SLC30A3: variants seen among roughly 807,000 people sequenced by gnomAD.
The protein encoded by SLC30A3 is probable proton-coupled zinc antiporter SLC30A3.
In SLC30A3, 20 loss-of-function variants were observed where a neutral mutation model predicts 35.6. That is an observed-to-expected ratio of 0.56 (90% CI 0.39 to 0.82). The LOEUF is 0.82. SLC30A3 is among the 40% of genes least tolerant of loss of function. The pLI is 0.00. For missense variants in SLC30A3, 401 were observed against 530.6 expected (o/e 0.76, Z 2.40); for synonymous variants, 217 against 224.7 (o/e 0.97, Z 0.31).
At chr2:27,270,736 G>A (rs1677696081) in intron 1 of SLC30A3, among the ~76,000 whole-genome samples, 1 of 152,130 alleles carries the variant, frequency 6.6e-6, no homozygotes, top group South Asian at 2.1e-4. Flanking sequence ...GAGAGGACAG[G>A]GACATGAAGC....
chr2:27,275,688 G>A (rs1366888588), upstream of SLC30A3: 2 of 162,864 alleles, frequency 1.2e-5, no homozygotes, highest in Non-Finnish European at 2.7e-5. Flanking sequence ...CTGGGGTTCC[G>A]CTGCCTTTTC....
At position 27,255,338 on chromosome 2, in the gene SLC30A3, G is replaced by A. The variant is rs565567871; in HGVS notation, c.1141C>T (p.Arg381Cys). Residue 381 changes from arginine to cysteine, a missense_variant, in exon 8 of 8, where the codon CGC becomes TGC. Transcript: ENST00000233535. This position sits in a 1 kb window ranked among gnomAD's most constrained non-coding sequence, Gnocchi z 5.2. ...CAGGCTTGGGGGGGTTCCTGGCAGC[G>A]CAGGCACTGGGCCATCTCCGGCTGA... ...QYQPEMAQCL[R>C]CQEPPQA 19 of 1,614,004 alleles carry A rather than the reference G, an allele frequency of 1.2e-5. No individual in the cohort carries two copies. The highest frequency in any genetic ancestry group is 3.3e-5 in the Admixed American group (2 of 59,996).
In SLC30A3 at chr2:27,255,404, G is replaced by C. The variant is rs746424458; in HGVS notation, c.1075C>G (p.Arg359Gly). The C allele has an allele frequency of 6.2e-6, 10 of 1,614,004 alleles. No individual in the cohort carries two copies. The highest frequency in any genetic ancestry group is 1.1e-5 in the South Asian group (1 of 91,064). Residue 359 changes from arginine to glycine, a missense_variant, in exon 8 of 8, where the codon CGG becomes GGG. This residue lies in a region of SLC30A3 where 296 missense variants were observed against 392.6 expected (regional missense o/e 0.75). Transcript: ENST00000233535. The surrounding 1 kb of genome is among the most constrained non-coding windows in gnomAD (Gnocchi z 5.2). ...LAEASSRLYS[R>G]FGFSSCTLQV... ...AGGGTGCAGCTGGAGAATCCAAACC[G>C]GGAGTAGAGCCGGGATGAGGCTTCA...
Position 27,257,101 on chromosome 2 carries a change from G to T in SLC30A3, c.777+53C>A. ...AGCTTTGGGACCTGGGAAGGAGTGG[G>T]CTGGGATGTGGTTGTGGGGAGGAAG... On this transcript the variant is annotated intron_variant, in intron 5 of 7. Transcript: ENST00000233535. The surrounding 1 kb of genome is among the most constrained non-coding windows in gnomAD (Gnocchi z 4.7). 6.4e-7 allele frequency: 1 copy of T among 1,553,608 alleles called. No homozygotes were observed. Among genetic ancestry groups the T allele is most frequent in the Non-Finnish European group, 8.9e-7 (1 of 1,125,628 alleles).
chr2:27,274,669 G>A (rs1677916062), intron 1 of SLC30A3, among the ~76,000 whole-genome samples: 3 of 145,780 alleles, frequency 2.1e-5, no homozygotes, highest in African/African-American at 5.2e-5. Context: ...GATCAAGAGC[G>A]TAAAAAAAAA....
upstream of SLC30A3, among the ~76,000 whole-genome samples, chr2:27,266,061 T>C (rs1267397366): frequency 7.9e-6 from 1 of 126,292 alleles, no homozygotes; most frequent in Non-Finnish European, 1.6e-5. Context: ...TGTTTTGTTC[T>C]TTTTTTTTTT....
rs1324481532 is a variant in SLC30A3 at position 27,257,455 on chromosome 2, A to G, written c.579-103T>C. On this transcript the variant is annotated intron_variant, in intron 4 of 7. Coordinates refer to ENST00000233535, the MANE Select transcript of SLC30A3 (RefSeq NM_003459.5). The surrounding 1 kb of genome is among the most constrained non-coding windows in gnomAD (Gnocchi z 4.7). Reference sequence around the variant, plus strand: ...CCAGTAGCCCTTTCCCAGCCCCTGGAAGAAAACAGCATTTTGCAAGAGAGA... The same window carrying G: ...CCAGTAGCCCTTTCCCAGCCCCTGGGAGAAAACAGCATTTTGCAAGAGAGA... 1 of 1,104,460 alleles carries G rather than the reference A, an allele frequency of 9.1e-7. No homozygotes were observed. The highest frequency in any genetic ancestry group is 2.6e-5 in the East Asian group (1 of 38,876). The allele number at this position is 1,104,460 out of a possible 1,614,324, so 68.4% of individuals were successfully genotyped here. A position where few individuals can be genotyped will look rare whatever the true frequency, so the allele number is the denominator to read the frequency against.
chr2:27,255,280 G>GC lies in SLC30A3; in HGVS notation c.*31dup. ...GCTGAGAGTCTGGGGCTGAGCCTCG[G>GC]CCTGGCAGTGGGGTGAGGGCAGGGC... is the stretch of plus-strand genomic sequence containing the variant. On this transcript the variant is annotated 3_prime_UTR_variant, in exon 8 of 8. Coordinates refer to ENST00000233535, the MANE Select transcript of SLC30A3 (RefSeq NM_003459.5). The surrounding 1 kb of genome is among the most constrained non-coding windows in gnomAD (Gnocchi z 5.2). 1 of 1,612,226 alleles carries GC rather than the reference G, an allele frequency of 6.2e-7. No homozygotes were observed. The highest frequency in any genetic ancestry group is 8.5e-7 in the Non-Finnish European group (1 of 1,178,926).
chr2:27,256,155 G>T, intron 7 of SLC30A3: 1 of 566,078 alleles, frequency 1.8e-6, no homozygotes, highest in Non-Finnish European at 3.1e-6. Context: ...CAAAGAGGGT[G>T]AAACTGCCCC....
Position 27,255,399 on chromosome 2 carries a change from A to T in SLC30A3, c.1080T>A (p.Phe360Leu), listed in dbSNP as rs757467388. The T allele has an allele frequency of 2.5e-6, 4 of 1,613,990 alleles. No individual in the cohort carries two copies. The highest frequency in any genetic ancestry group is 8.5e-7 in the Non-Finnish European group (1 of 1,180,020). The change falls in exon 8 of 8, where the codon TTT becomes TTA. Residue 360 changes from phenylalanine (F) to leucine (L), a missense_variant. Around this residue, in one of 3 missense-constraint regions of SLC30A3, gnomAD observed 296 missense variants for 392.6 expected, o/e 0.75. Coordinates refer to ENST00000233535, the MANE Select transcript of SLC30A3 (RefSeq NM_003459.5). The surrounding 1 kb of genome is among the most constrained non-coding windows in gnomAD (Gnocchi z 5.2). ...AEASSRLYSR[F>L]GFSSCTLQVE... is the part of the protein sequence containing the mutation. The stretch of plus-strand genomic sequence containing the variant: ...CCTGCAGGGTGCAGCTGGAGAATCC[A>T]AACCGGGAGTAGAGCCGGGATGAGG...
Position 27,255,084 on chromosome 2 carries a change from A to T in SLC30A3, c.*228T>A. ...TGAGGCCTGGGAGTCCCCGCCCCTG[A>T]ACTAGTCACATCTATTCCCCTGACT... On this transcript the variant is annotated 3_prime_UTR_variant, in exon 8 of 8. Coordinates refer to ENST00000233535, the MANE Select transcript of SLC30A3 (RefSeq NM_003459.5). The surrounding 1 kb of genome is among the most constrained non-coding windows in gnomAD (Gnocchi z 5.2). 1.3e-6 allele frequency: 2 copies of T among 1,495,954 alleles called. No homozygotes were observed. Among genetic ancestry groups the T allele is most frequent in the Non-Finnish European group, 1.8e-6 (2 of 1,123,368 alleles). The allele number at this position is 1,495,954 out of a possible 1,614,324, so 92.7% of individuals were successfully genotyped here.
rs112733295 is a variant in SLC30A3 at position 27,255,534 on chromosome 2, G to C, written c.1019-74C>G. 2.8e-3 allele frequency: 4,270 copies of C among 1,526,538 alleles called. 113 individuals carry two copies. In the African/African-American group the frequency reaches 0.049, roughly 18 times the overall value. 94.6% of individuals were successfully genotyped at this position (1,526,538 alleles called of 1,614,324 possible). A position where few individuals can be genotyped will look rare whatever the true frequency, so the allele number is the denominator to read the frequency against. The stretch of plus-strand genomic sequence containing the variant: ...AGGCAGGGACTGAGATAAGGACAGG[G>C]AAAGGGGCTGCACAGCATTAAAGCC... On this transcript the variant is annotated intron_variant, in intron 7 of 7. Coordinates refer to ENST00000233535, the MANE Select transcript of SLC30A3 (RefSeq NM_003459.5). This position sits in a 1 kb window ranked among gnomAD's most constrained non-coding sequence, Gnocchi z 5.2.
Position 27,257,615 on chromosome 2 carries a change from T to G in SLC30A3, c.579-263A>C. 1.7e-6 allele frequency: 1 copy of G among 598,120 alleles called. No homozygotes were observed. 37.1% of individuals were successfully genotyped at this position (598,120 alleles called of 1,614,324 possible). ...GGGATTGACTGCATTAATGGTAAAC[T>G]AGGGGTAATGCTACCTACCTCATGG... On this transcript the variant is annotated intron_variant, in intron 4 of 7. Transcript: ENST00000233535. This position sits in a 1 kb window ranked among gnomAD's most constrained non-coding sequence, Gnocchi z 4.7.
Position 27,259,833 on chromosome 2 carries a change from A to C in SLC30A3, c.96-899T>G, listed in dbSNP as rs148086532. Among the ~76,000 whole-genome samples, 779 of 152,268 alleles carry C rather than the reference A, an allele frequency of 5.1e-3. 3 individuals carry two copies. The highest frequency in any genetic ancestry group is 0.018 in the African/African-American group (741 of 41,542). On this transcript the variant is annotated intron_variant, in intron 1 of 7. Transcript: ENST00000233535. ...CTGAGAGCTTTTGGTGAACAGGGCAAGCATGTACCTACACAATGATATAGA... is the reference window on the plus strand; with the variant it reads ...CTGAGAGCTTTTGGTGAACAGGGCACGCATGTACCTACACAATGATATAGA...
chr2:27,257,871 C>A lies in SLC30A3; in HGVS notation c.578+34G>T. The A allele has an allele frequency of 6.3e-7, 1 of 1,593,612 alleles. No individual in the cohort carries two copies. On this transcript the variant is annotated intron_variant, in intron 4 of 7. Transcript: ENST00000233535. This position sits in a 1 kb window ranked among gnomAD's most constrained non-coding sequence, Gnocchi z 4.7. ...CTGGAGGAAGACCCCTCGCCCTGGG[C>A]CCCACAAGGTGCCTGCTCCATACTG...
chr2:27,266,683 A>G (rs11126937), upstream of SLC30A3, among the ~76,000 whole-genome samples: 55,561 of 151,954 alleles, frequency 0.37, 12,649 homozygotes, highest in African/African-American at 0.63. Flanking sequence ...ATCACTTGAG[A>G]TCAGGAGTTT....
rs150372415 is a variant in SLC30A3, at chr2:27,260,573, T to A, written c.96-1639A>T. On this transcript the variant is annotated intron_variant, in intron 1 of 7. Coordinates refer to ENST00000233535, the MANE Select transcript of SLC30A3 (RefSeq NM_003459.5). ...TTCAGGACCTGAATAGAAAATACAG[T>A]ACTAGAAATACTCATGGAGGTGTGA... Among the ~76,000 whole-genome samples the A allele has an allele frequency of 2.4e-4, 36 of 152,186 alleles. No individual in the cohort carries two copies. The East Asian group carries it at 6.2e-3, about 26-fold the overall frequency.
rs746253793 is a variant in SLC30A3 at position 27,257,898 on chromosome 2, G to A, written c.578+7C>T. ...CCACAAGGTGCCTGCTCCATACTGGGACGTACAACAGGTTGGCACAGACTG... is the reference window on the plus strand; with the variant it reads ...CCACAAGGTGCCTGCTCCATACTGGAACGTACAACAGGTTGGCACAGACTG... On this transcript the variant is annotated splice_region_variant and intron_variant, in intron 4 of 7. Coordinates refer to ENST00000233535, the MANE Select transcript of SLC30A3 (RefSeq NM_003459.5). This position sits in a 1 kb window ranked among gnomAD's most constrained non-coding sequence, Gnocchi z 4.7. 1.1e-5 allele frequency: 17 copies of A among 1,612,670 alleles called. No individual in the cohort carries two copies. Among genetic ancestry groups the A allele is most frequent in the Non-Finnish European group, 1.3e-5 (15 of 1,179,378 alleles).
chr2:27,263,221 C>T (rs539874838), upstream of SLC30A3: 97 of 744,244 alleles, frequency 1.3e-4, 1 homozygote, highest in South Asian at 1.9e-3. Context: ...CCCCGCCACC[C>T]GAGTTCTGGA....
Sources: allele counts gnomAD v4.1 joint callset (sites outside exome capture counted in the v4.1 genomes callset), GRCh38; gene constraint gnomAD v4.1.1; regional missense constraint gnomAD v4.1.1; non-coding constraint Gnocchi (gnomAD v3.1); transcripts MANE v1.5; gene names NCBI Gene and HGNC (gene_info 2026-07-23, HGNC 2026-07-21).